CREB5: variants seen among roughly 807,000 people sequenced by gnomAD.
The protein encoded by CREB5 is cAMP responsive element binding protein 5.
In CREB5, 19 loss-of-function variants were observed where a neutral mutation model predicts 57.1. That is an observed-to-expected ratio of 0.33 (90% CI 0.23 to 0.49). CREB5 has a LOEUF of 0.49. Among genes scored for constraint, CREB5 ranks in the 20% least tolerant of loss-of-function variants. The probability of loss-of-function intolerance (pLI) is 0.99; values close to 1 mark genes in which losing one functional copy is unlikely to be tolerated. For synonymous variants in CREB5, 238 were observed against 238.3 expected, an observed-to-expected ratio of 1.00 and a Z score of 0.01; for missense variants, 579 against 671.6, an observed-to-expected ratio of 0.86 and a Z score of 1.52.
At chr7:28,467,075 C>A (rs145955638) in intron 1 of CREB5, among the ~76,000 whole-genome samples, 184 of 152,298 alleles carry the variant, frequency 1.2e-3, no homozygotes, top group African/African-American at 2.3e-3. Flanking sequence ...GGCTGCCTGT[C>A]AAGTGTAGAG....
At chr7:28,384,556 A>T (rs1291760411) in intron 1 of CREB5, among the ~76,000 whole-genome samples, 1 of 152,064 alleles carries the variant, frequency 6.6e-6, no homozygotes, top group Non-Finnish European at 1.5e-5. Context: ...TTTTAAAGAC[A>T]ACCTGAGCTG....
At chr7:28,756,005 G>T (rs1805275556) in intron 7 of CREB5, among the ~76,000 whole-genome samples, 1 of 152,142 alleles carries the variant, frequency 6.6e-6, no homozygotes, top group Non-Finnish European at 1.5e-5. Flanking sequence ...ATCTTCTCAA[G>T]AAATTTATAT....
At chr7:28,696,335 T>G (rs1801558337) in intron 5 of CREB5, among the ~76,000 whole-genome samples, 1 of 152,262 alleles carries the variant, frequency 6.6e-6, no homozygotes, top group Non-Finnish European at 1.5e-5. Flanking sequence ...TCAGAAATCC[T>G]TCCTGCCATT....
intron 1 of CREB5, among the ~76,000 whole-genome samples, chr7:28,387,143 G>A (rs1415791430): frequency 6.6e-6 from 1 of 152,154 alleles, no homozygotes; most frequent in Admixed American, 6.5e-5. Flanking sequence ...GGTCTTTGAG[G>A]AATTGCCACA....
chr7:28,332,058 G>A (rs978776475), intron 1 of CREB5, among the ~76,000 whole-genome samples: 2 of 152,076 alleles, frequency 1.3e-5, no homozygotes, highest in African/African-American at 4.8e-5. Flanking sequence ...CTAAATTCAA[G>A]GACAAGTGAG....
At chr7:28,526,110 A>G (rs1793439011) in intron 4 of CREB5, among the ~76,000 whole-genome samples, 1 of 152,218 alleles carries the variant, frequency 6.6e-6, no homozygotes, top group Non-Finnish European at 1.5e-5. Flanking sequence ...AATCCCTTTC[A>G]TCACTGCAGT....
At chr7:28,620,431 C>A (rs918374942) in intron 5 of CREB5, among the ~76,000 whole-genome samples, 7 of 152,118 alleles carry the variant, frequency 4.6e-5, no homozygotes, top group Admixed American at 2.0e-4. Flanking sequence ...AGCTTCTTTT[C>A]CCTGTGAAAG....
upstream of CREB5, among the ~76,000 whole-genome samples, chr7:28,411,619 A>G (rs35045972): frequency 5.4e-3 from 821 of 152,256 alleles, 7 homozygotes; most frequent in Admixed American, 0.015. Context: ...AAAAGTATTA[A>G]CAGAGTTTTG....
At chr7:28,711,465 T>C (rs1349300204) in intron 5 of CREB5, among the ~76,000 whole-genome samples, 1 of 152,216 alleles carries the variant, frequency 6.6e-6, no homozygotes, top group Non-Finnish European at 1.5e-5. Context: ...ATCTGCTCTC[T>C]AGGAGCTTGA....
intron 4 of CREB5, among the ~76,000 whole-genome samples, chr7:28,543,272 T>G (rs1794278791): frequency 6.6e-6 from 1 of 152,184 alleles, no homozygotes; most frequent in Non-Finnish European, 1.5e-5. Flanking sequence ...CCTTCCAAAG[T>G]GCTTCCCCCA....
intron 5 of CREB5, among the ~76,000 whole-genome samples, chr7:28,647,047 T>C (rs1431875922): frequency 6.6e-6 from 1 of 152,004 alleles, no homozygotes; most frequent in East Asian, 2.0e-4. Context: ...AGCTTACTCC[T>C]ATTAAGCAGA....
intron 7 of CREB5, among the ~76,000 whole-genome samples, chr7:28,786,983 C>G (rs143901955): frequency 1.3e-5 from 2 of 152,274 alleles, no homozygotes; most frequent in Non-Finnish European, 2.9e-5. Context: ...TGTTAGGAAG[C>G]CAGCAGAAGA....
intron 1 of CREB5, among the ~76,000 whole-genome samples, chr7:28,459,258 C>G (rs1052892277): frequency 3.9e-5 from 6 of 152,168 alleles, no homozygotes; most frequent in Admixed American, 2.6e-4. Flanking sequence ...CCACCTGTCT[C>G]AGCCTTTGTC....
chr7:28,762,542 T>C (rs1009937042), intron 7 of CREB5, among the ~76,000 whole-genome samples: 1 of 152,286 alleles, frequency 6.6e-6, no homozygotes, highest in Non-Finnish European at 1.5e-5. Flanking sequence ...GTGATAAAAT[T>C]TGAGTGACCA....
At chr7:28,755,540 G>C (rs1353978904) in intron 7 of CREB5, among the ~76,000 whole-genome samples, 1 of 152,208 alleles carries the variant, frequency 6.6e-6, no homozygotes, top group Non-Finnish European at 1.5e-5. Context: ...TTAGGCAATA[G>C]TGAGTCACTG....
At chr7:28,438,698 A>C (rs1252455776) in intron 1 of CREB5, among the ~76,000 whole-genome samples, 1 of 152,186 alleles carries the variant, frequency 6.6e-6, no homozygotes, top group Admixed American at 6.5e-5. Flanking sequence ...AATACTGAAA[A>C]TTGAACTGAT....
intron 5 of CREB5, among the ~76,000 whole-genome samples, chr7:28,692,372 A>ATT (rs1801322181): frequency 6.6e-6 from 1 of 152,184 alleles, no homozygotes; most frequent in Non-Finnish European, 1.5e-5. Flanking sequence ...CAAGGCAGGC[A>ATT]GATCACTTGA....
Position 28,308,789 on chromosome 7 carries a change from G to T in CREB5, c.-25+9348G>T, listed in dbSNP as rs1785229009. Among the ~76,000 whole-genome samples the T allele has an allele frequency of 2.0e-5, 3 of 152,146 alleles. No homozygotes were observed. In the South Asian group the frequency reaches 6.2e-4, roughly 32 times the overall value. On this transcript the variant is annotated intron_variant, in intron 1 of 9. Coordinates refer to the CREB5 transcript ENST00000396299. ...AAGACCTTTTAGACTTCCGGTTTCGGCAATGAGTTGAGATCTTTTCTGTTT... is the reference window on the plus strand; with the variant it reads ...AAGACCTTTTAGACTTCCGGTTTCGTCAATGAGTTGAGATCTTTTCTGTTT...
At chr7:28,807,992 C>T (rs1049770695) in intron 8 of CREB5, among the ~76,000 whole-genome samples, 2 of 152,194 alleles carry the variant, frequency 1.3e-5, no homozygotes, top group East Asian at 3.8e-4. Flanking sequence ...CCCACACAGA[C>T]CTTGCAAGGA....
Sources: allele counts gnomAD v4.1 joint callset (sites outside exome capture counted in the v4.1 genomes callset), GRCh38; gene constraint gnomAD v4.1.1; transcripts MANE v1.5; gene names NCBI Gene and HGNC (gene_info 2026-07-23, HGNC 2026-07-21).